ACACA: variants seen among roughly 807,000 people sequenced by gnomAD.
ACACA encodes acetyl-CoA carboxylase alpha, also known as acetyl-CoA carboxylase 1.
Under a neutral mutation model 296.1 loss-of-function variants are expected in ACACA, and 103 were observed. That is an observed-to-expected ratio of 0.35 (90% CI 0.30 to 0.41). ACACA has a LOEUF of 0.41. ACACA is among the 10% of genes least tolerant of loss of function. ACACA has a pLI of 1.00. For missense variants in ACACA, 1,554 were observed against 2,989.7 expected, an observed-to-expected ratio of 0.52 and a Z score of 11.20; for synonymous variants, 953 against 1,038.6, an observed-to-expected ratio of 0.92 and a Z score of 1.58.
intron 1 of ACACA, among the ~76,000 whole-genome samples, chr17:37,384,822 T>C (rs1046707732): frequency 1.3e-5 from 2 of 152,352 alleles, no homozygotes; most frequent in Admixed American, 6.5e-5. Flanking sequence ...CCTGGTACTA[T>C]GGCCACTGGC....
intron 47 of ACACA, 130 bp from the exon 48 acceptor site, chr17:37,125,924 T>C (rs2074761857): frequency 1.3e-6 from 1 of 763,968 alleles, no homozygotes; most frequent in Admixed American, 2.0e-5. Flanking sequence ...CAAATTATAA[T>C]AGATGGAAGC....
intron 10 of ACACA, among the ~76,000 whole-genome samples, chr17:37,268,950 C>A (rs767745663): frequency 8.0e-5 from 12 of 150,100 alleles, no homozygotes; most frequent in South Asian, 2.1e-4. Flanking sequence ...AATTAACATG[C>A]CTTTTTTTTC....
intron 52 of ACACA, among the ~76,000 whole-genome samples, chr17:37,099,473 A>C: frequency 6.9e-6 from 1 of 144,828 alleles, no homozygotes. Flanking sequence ...TGAGGGATGG[A>C]GGGCTGATGG....
intron 1 of ACACA, among the ~76,000 whole-genome samples, chr17:37,363,666 G>C (rs1260470251): frequency 6.6e-6 from 1 of 152,084 alleles, no homozygotes; most frequent in Non-Finnish European, 1.5e-5. Flanking sequence ...TTGAATCAAG[G>C]GAGGAAACAA....
chr17:37,286,803 G>A (rs1335623740), intron 3 of ACACA, among the ~76,000 whole-genome samples: 1 of 152,064 alleles, frequency 6.6e-6, no homozygotes, highest in African/African-American at 2.4e-5. Context: ...CAAAGCTTAT[G>A]CCCAGAGGTC....
Position 37,252,106 on chromosome 17 carries a change from A to G in ACACA, c.1980T>C (p.Ala660=). ...CCCCCAACATGGTGTCAGGTCGCTC[A>G]GCCTGAAAGGAGGAAAAAGAGGGCA... ...LDRLIAEKVQ[A]ERPDTMLGVV... Residue 660 remains alanine, a splice_region_variant and synonymous_variant, in exon 16 of 56, where the codon GCT becomes GCC. Coordinates refer to ENST00000616317, the MANE Select transcript of ACACA (RefSeq NM_198834.3). 3 of 1,614,138 alleles carry G rather than the reference A, an allele frequency of 1.9e-6. No homozygotes were observed. The highest frequency in any genetic ancestry group is 2.5e-6 in the Non-Finnish European group (3 of 1,179,948).
chr17:37,147,840 T>A (rs1379815132), intron 45 of ACACA, among the ~76,000 whole-genome samples: 1 of 152,204 alleles, frequency 6.6e-6, no homozygotes, highest in Non-Finnish European at 1.5e-5. Context: ...TGACAGTGAA[T>A]ATAATGAATT....
At chr17:37,263,940 A>C in intron 10 of ACACA, 46 bp from the exon 11 acceptor site, 1 of 1,532,402 alleles carries the variant, frequency 6.5e-7, no homozygotes, top group Non-Finnish European at 9.0e-7. Context: ...TTAAATTTTA[A>C]ACTTTTTATC....
chr17:37,233,564 A>G (rs1051953370), intron 25 of ACACA, among the ~76,000 whole-genome samples: 2 of 152,196 alleles, frequency 1.3e-5, no homozygotes, highest in African/African-American at 4.8e-5. Context: ...TTAGCTTCCT[A>G]TAAAGGCAAA....
At chr17:37,340,382 C>T (rs1023041053) in intron 1 of ACACA, among the ~76,000 whole-genome samples, 33 of 152,190 alleles carry the variant, frequency 2.2e-4, no homozygotes, top group Non-Finnish European at 5.9e-5. Context: ...CAATTTAAAT[C>T]TATCTAGGGT....
At chr17:37,205,990 G>C in intron 32 of ACACA, 118 bp from the exon 33 acceptor site, 2 of 890,532 alleles carry the variant, frequency 2.2e-6, no homozygotes, top group East Asian at 5.1e-5. Context: ...GGATATTTTG[G>C]TTTGCCCAGC....
chr17:37,276,556 T>C (rs2082292423), intron 7 of ACACA, among the ~76,000 whole-genome samples: 1 of 152,230 alleles, frequency 6.6e-6, no homozygotes, highest in South Asian at 2.1e-4. Context: ...ATAACCTCTG[T>C]TTTTCTCTCT....
At chr17:37,313,323 A>G (rs1403247710) in intron 3 of ACACA, among the ~76,000 whole-genome samples, 1 of 152,096 alleles carries the variant, frequency 6.6e-6, no homozygotes, top group Non-Finnish European at 1.5e-5. Flanking sequence ...AAAAAGAACT[A>G]AAGAACTATG....
intron 29 of ACACA, among the ~76,000 whole-genome samples, chr17:37,211,905 G>A (rs991912535): frequency 1.5e-4 from 23 of 152,248 alleles, no homozygotes; most frequent in African/African-American, 5.5e-4. Context: ...TCAGGAGAGT[G>A]GGTTTTATTT....
intron 54 of ACACA, among the ~76,000 whole-genome samples, chr17:37,090,303 C>T (rs991568782): frequency 2.0e-5 from 3 of 152,136 alleles, no homozygotes; most frequent in African/African-American, 7.2e-5. Flanking sequence ...ACTTAGCTGC[C>T]GACTTAGTTG....
chr17:37,340,521 A>C (rs753098021), intron 1 of ACACA, among the ~76,000 whole-genome samples: 2 of 152,238 alleles, frequency 1.3e-5, no homozygotes, highest in Non-Finnish European at 2.9e-5. Flanking sequence ...ATCAACTTTA[A>C]GTTCCACAGT....
At chr17:37,402,206 C>T (rs1017861264) in intron 1 of ACACA, among the ~76,000 whole-genome samples, 2 of 152,042 alleles carry the variant, frequency 1.3e-5, no homozygotes, top group Non-Finnish European at 2.9e-5. Flanking sequence ...GTCATCTTTG[C>T]TATGACAGGT....
At chr17:37,263,977 A>G in intron 10 of ACACA, 83 bp from the exon 11 acceptor site, 1 of 1,125,458 alleles carries the variant, frequency 8.9e-7, no homozygotes, top group Non-Finnish European at 1.3e-6. Flanking sequence ...TTTGATTTCA[A>G]CAAGCAGATG....
chr17:37,268,277 G>T (rs1221967161), intron 10 of ACACA, among the ~76,000 whole-genome samples: 1 of 152,142 alleles, frequency 6.6e-6, no homozygotes, highest in East Asian at 1.9e-4. Flanking sequence ...ATAATTTTAA[G>T]TTCTGGATGT....
Sources: allele counts gnomAD v4.1 joint callset (sites outside exome capture counted in the v4.1 genomes callset), GRCh38; gene constraint gnomAD v4.1.1; transcripts MANE v1.5; gene names NCBI Gene and HGNC (gene_info 2026-07-23, HGNC 2026-07-21).